BOK: variants seen among roughly 807,000 people sequenced by gnomAD.
The protein encoded by BOK is BCL2 family apoptosis regulator BOK.
A neutral mutation model predicts 18.3 loss-of-function variants in BOK; 20 were observed. The observed-to-expected ratio is 1.09, with a 90% CI of 0.77 to 1.59. The LOEUF is 1.59. Among genes scored for constraint, BOK ranks in the 40% most tolerant of loss-of-function variants. The probability of loss-of-function intolerance (pLI) is 0.00; values close to 1 mark genes in which losing one functional copy is unlikely to be tolerated. For missense variants in BOK, 348 were observed against 307.9 expected (o/e 1.13, Z -0.97); for synonymous variants, 173 against 142.4 (o/e 1.21, Z -1.53).
chr2:241,569,022 A>G (rs1431438829), intron 3 of BOK, among the ~76,000 whole-genome samples: 1 of 152,130 alleles, frequency 6.6e-6, no homozygotes, highest in Non-Finnish European at 1.5e-5. Flanking sequence ...GCTGGGCTGC[A>G]TGTTTTGTGG....
chr2:241,559,388 C>T (rs2066488747), intron 1 of BOK, 67 bp from the exon 2 acceptor site: 2 of 1,064,698 alleles, frequency 1.9e-6, no homozygotes, highest in Non-Finnish European at 2.4e-6. Context: ...CACGCCCAGC[C>T]CGGCGCCCCG....
Position 241,562,377 on chromosome 2 carries a change from G to A in BOK, c.250G>A (p.Val84Ile), listed in dbSNP as rs199763136. The change falls in exon 3 of 5, where the codon GTC becomes ATC. Residue 84 changes from valine to isoleucine, a missense_variant. Physicochemically the swap from Val to Ile is conservative, Grantham distance 29. Transcript: ENST00000318407. This position sits in a 1 kb window ranked among gnomAD's most constrained non-coding sequence, Gnocchi z 4.5. ...GDELEMIRPS[V>I]YRNVARQLHI... The stretch of plus-strand genomic sequence containing the variant: ...TGAGCTGGAGATGATCCGGCCCAGC[G>A]TCTACCGCAACGTGGCGCGTCAGCT... 7.2e-5 allele frequency: 116 copies of A among 1,611,018 alleles called. No individual in the cohort carries two copies. The highest frequency in any genetic ancestry group is 9.2e-5 in the Non-Finnish European group (109 of 1,179,404).
chr2:241,552,624 T>C (rs1435722108), intron 1 of BOK, among the ~76,000 whole-genome samples: 1 of 152,180 alleles, frequency 6.6e-6, no homozygotes. Flanking sequence ...GTCTCCTTCG[T>C]GTCTTTTTCC....
intron 4 of BOK, among the ~76,000 whole-genome samples, chr2:241,572,072 C>T (rs2066732982): frequency 6.6e-6 from 1 of 152,248 alleles, no homozygotes; most frequent in African/African-American, 2.4e-5. Context: ...GTCCCCACCT[C>T]CCGTGCCTCC....
Position 241,562,080 on chromosome 2 carries a change from C to G in BOK, c.221-268C>G, listed in dbSNP as rs1177512439. ...ATTCCCGCCCCACCGGCTTGGCCGG[C>G]TAGGCTTAGGGGCTGGCTCGTCAGA... On this transcript the variant is annotated intron_variant, in intron 2 of 4. Coordinates refer to ENST00000318407, the MANE Select transcript of BOK (RefSeq NM_032515.5). The surrounding 1 kb of genome is among the most constrained non-coding windows in gnomAD (Gnocchi z 4.5). 1.3e-5 allele frequency among the ~76,000 whole-genome samples: 2 copies of G among 152,254 alleles called. No individual in the cohort carries two copies. Among genetic ancestry groups the G allele is most frequent in the Non-Finnish European group, 2.9e-5 (2 of 68,040 alleles).
Position 241,562,142 on chromosome 2 carries a change from T to G in BOK, c.221-206T>G, listed in dbSNP as rs2066534387. Among the ~76,000 whole-genome samples, 1 of 152,162 alleles carries G rather than the reference T, an allele frequency of 6.6e-6. No homozygotes were observed. Among genetic ancestry groups the G allele is most frequent in the South Asian group, 2.1e-4 (1 of 4,832 alleles). On this transcript the variant is annotated intron_variant, in intron 2 of 4. Transcript: ENST00000318407. This position sits in a 1 kb window ranked among gnomAD's most constrained non-coding sequence, Gnocchi z 4.5. ...GGGGGCGCCTTCAGTACTTCCTTGG[T>G]CTTCTGGTCCCTAGGGGCCAAGGTT...
rs2066543585 is a variant in BOK, at chr2:241,562,428, G to T, written c.301G>T (p.Val101Leu). Residue 101 changes from valine to leucine, a missense_variant, in exon 3 of 5, where the codon GTG (valine) becomes TTG (leucine). By Grantham distance (32) the Val-to-Leu change is conservative (BLOSUM62 1). Coordinates refer to ENST00000318407, the MANE Select transcript of BOK (RefSeq NM_032515.5). This position sits in a 1 kb window ranked among gnomAD's most constrained non-coding sequence, Gnocchi z 4.5. ...GCACATCTCCCTGCAGTCTGAGCCT[G>T]TGGTGACCGATGCGTTCCTGGCCGT... ...QLHISLQSEP[V>L]VTDAFLAVAG... 1 of 1,612,360 alleles carries T rather than the reference G, an allele frequency of 6.2e-7. No individual in the cohort carries two copies.
rs763783531 is a variant in BOK at position 241,570,185 on chromosome 2, G to A, written c.410G>A (p.Cys137Tyr). 2.5e-6 allele frequency: 4 copies of A among 1,609,238 alleles called. No homozygotes were observed. The highest frequency in any genetic ancestry group is 3.4e-6 in the Non-Finnish European group (4 of 1,178,802). The change falls in exon 4 of 5, where the codon TGT becomes TAT. Residue 137 changes from cysteine to tyrosine, a missense_variant. Transcript: ENST00000318407. ...YAVAAGLAVD[C>Y]VRQAQPAMVH... ...GTGGCCGCGGGGCTGGCCGTGGACT[G>A]TGTGAGGCAGGCCCAGCCTGCCATG...
intron 1 of BOK, among the ~76,000 whole-genome samples, chr2:241,551,728 G>C (rs2066415587): frequency 1.3e-5 from 2 of 152,176 alleles, no homozygotes; most frequent in Non-Finnish European, 2.9e-5. Context: ...AGACCTCAGG[G>C]GGGTCCCTCC....
At position 241,572,315 on chromosome 2, in the gene BOK, G is replaced by A. The variant is rs768593704; in HGVS notation, c.532G>A (p.Val178Met). The A allele has an allele frequency of 1.2e-6, 2 of 1,611,564 alleles. No individual in the cohort carries two copies. Among genetic ancestry groups the A allele is most frequent in the East Asian group, 4.5e-5 (2 of 44,876 alleles). Residue 178 changes from valine (V) to methionine (M), a missense_variant, in exon 5 of 5, where the codon GTG (valine) becomes ATG (methionine). Val to Met is a conservative substitution (Grantham distance 21). Coordinates refer to ENST00000318407, the MANE Select transcript of BOK (RefSeq NM_032515.5). ...RGGWTDVLKC[V>M]VSTDPGLRSH... ...CTCCCAGACTGATGTCCTCAAGTGT[G>A]TGGTCAGCACAGACCCTGGCCTCCG...
chr2:241,569,520 T>A (rs568282669), intron 3 of BOK, among the ~76,000 whole-genome samples: 1 of 152,370 alleles, frequency 6.6e-6, no homozygotes, highest in South Asian at 2.1e-4. Context: ...TGTCTCTTAT[T>A]ATAATTTTCT....
At position 241,570,073 on chromosome 2, in the gene BOK, G is replaced by A. The variant is rs970396204; in HGVS notation, c.350-52G>A. 5.1e-6 allele frequency: 8 copies of A among 1,568,284 alleles called. No individual in the cohort carries two copies. The Admixed American group carries it at 1.1e-4, about 22-fold the overall frequency. On this transcript the variant is annotated intron_variant, in intron 3 of 4. Coordinates refer to ENST00000318407, the MANE Select transcript of BOK (RefSeq NM_032515.5). ...GAGAGGCCCAGCCCCTTCCTTAAGT[G>A]CTCCCGTGGGCGGGATTCAAGTCCT... is the stretch of plus-strand genomic sequence containing the variant.
intron 1 of BOK, 119 bp from the exon 2 acceptor site, chr2:241,559,336 A>G (rs1487547971): frequency 3.9e-6 from 2 of 507,670 alleles, no homozygotes; most frequent in Non-Finnish European, 6.1e-6. Context: ...GGCACAAAAA[A>G]CGAGAGCGGA....
intron 1 of BOK, among the ~76,000 whole-genome samples, chr2:241,553,116 C>G (rs541413110): frequency 6.6e-6 from 1 of 152,152 alleles, no homozygotes; most frequent in Non-Finnish European, 1.5e-5. Flanking sequence ...CACCCACCCC[C>G]GGCATGGCAT....
chr2:241,573,069 G>C lies in BOK; in HGVS notation c.*647G>C, dbSNP rs936345909. On this transcript the variant is annotated 3_prime_UTR_variant, in exon 5 of 5. Transcript: ENST00000318407. ...CCTGAGCCCCAGGTGAAGGGGCCCG[G>C]AACACCTGCTCTCACCTGAGCCCCA... is the stretch of plus-strand genomic sequence containing the variant. 2.2e-5 allele frequency: 2 copies of C among 90,080 alleles called. No individual in the cohort carries two copies. The highest frequency in any genetic ancestry group is 5.1e-5 in the African/African-American group (1 of 19,704). 5.6% of individuals were successfully genotyped at this position (90,080 alleles called of 1,614,324 possible).
At chr2:241,556,949 T>A (rs987382107), upstream of BOK, among the ~76,000 whole-genome samples, 3 of 152,190 alleles carry the variant, frequency 2.0e-5, no homozygotes, top group Non-Finnish European at 2.9e-5. Context: ...TTCTATTTCT[T>A]TTAGTGTCAG....
rs538077295 is a variant in BOK, at chr2:241,570,251, A to G, written c.476A>G (p.Lys159Arg). The stretch of plus-strand genomic sequence containing the variant: ...GACTGCCTGGGGGAGTTCGTGCGCA[A>G]GACCCTGGCAACCTGGCTGCGGAGA... ...LVDCLGEFVR[K>R]TLATWLRRRG... Residue 159 changes from lysine (K) to arginine (R), a missense_variant, in exon 4 of 5, where the codon AAG becomes AGG. Physicochemically the swap from Lys to Arg is conservative, Grantham distance 26. Transcript: ENST00000318407. The G allele has an allele frequency of 4.4e-6, 7 of 1,583,810 alleles. No individual in the cohort carries two copies. In the South Asian group the frequency reaches 6.8e-5, roughly 15 times the overall value.
chr2:241,562,195 G>A lies in BOK; in HGVS notation c.221-153G>A, dbSNP rs1262671541. On this transcript the variant is annotated intron_variant, in intron 2 of 4. Coordinates refer to ENST00000318407, the MANE Select transcript of BOK (RefSeq NM_032515.5). This position sits in a 1 kb window ranked among gnomAD's most constrained non-coding sequence, Gnocchi z 4.5. ...GGGATGGCCCAAGGGAGGTCAGATG[G>A]GGTCAAGTGGAGGTGGGAATCAGAC... Among the ~76,000 whole-genome samples the A allele has an allele frequency of 6.6e-6, 1 of 152,226 alleles. No individual in the cohort carries two copies. Among genetic ancestry groups the A allele is most frequent in the Non-Finnish European group, 1.5e-5 (1 of 68,026 alleles).
chr2:241,568,992 A>ACTCCCTCCGGGGACCGCTGCTG (rs1559204877), intron 3 of BOK, among the ~76,000 whole-genome samples: 2 of 151,718 alleles, frequency 1.3e-5, no homozygotes, highest in Admixed American at 6.6e-5. Flanking sequence ...GACCGCTGCT[A>ACTCCCTCCGGGGACCGCTGCTG]ACTCCCTGCG....
Sources: gnomAD v4.1 joint callset for allele counts (sites outside exome capture counted in the v4.1 genomes callset) on GRCh38, gnomAD v4.1.1 for gene constraint, Gnocchi (gnomAD v3.1) non-coding constraint, MANE v1.5 for transcripts, NCBI Gene and HGNC (gene_info 2026-07-23, HGNC 2026-07-21) for gene names.